The following CREBZF variants were observed in gnomAD, a reference collection of about 807,000 sequenced individuals.
The protein encoded by CREBZF is HCF-binding transcription factor Zhangfei.
CREBZF carries 8 observed loss-of-function variants against 21.1 expected under a neutral mutation model. The ratio of observed to expected loss-of-function variants is 0.38; its 90% CI spans 0.22 to 0.68. The LOEUF (loss-of-function observed/expected upper bound fraction) is 0.68. Among genes scored for constraint, CREBZF ranks in the 30% least tolerant of loss-of-function variants. CREBZF has a pLI of 0.51. For synonymous variants in CREBZF, 270 were observed against 223.3 expected (o/e 1.21, Z -1.86); for missense variants, 518 against 484.3 (o/e 1.07, Z -0.65).
At position 85,658,252 on chromosome 11, in the gene CREBZF, G is replaced by A. The variant is rs931844196; in HGVS notation, c.*5559C>T. Among the ~76,000 whole-genome samples, 5 of 151,934 alleles carry A rather than the reference G, an allele frequency of 3.3e-5. No homozygotes were observed. The highest frequency in any genetic ancestry group is 6.6e-5 in the Admixed American group (1 of 15,252). ...CAATGATATAACTAAGTTCTTTGAC[G>A]ATTGAGCACACATTGTTTCCTTACT... On this transcript the variant is annotated 3_prime_UTR_variant, in exon 1 of 1. Coordinates refer to ENST00000527447, the MANE Select transcript of CREBZF (RefSeq NM_001039618.4).
At chr11:85,676,970 C>CTTTTTTTTTTTTTTTTTTTTTTTTTTT (rs1422368391) in intron 1 of CREBZF, among the ~76,000 whole-genome samples, 1 of 118,638 alleles carries the variant, frequency 8.4e-6, no homozygotes, top group Non-Finnish European at 1.7e-5. Context: ...CTTTTTCTGT[C>CTTTTTTTTTTTTTTTTTTTTTTTTTTT]TTTTTTTTTT....
rs1054277338 is a variant in CREBZF, at chr11:85,663,748, A to C, written c.*63T>G. 2 of 1,587,334 alleles carry C rather than the reference A, an allele frequency of 1.3e-6. No individual in the cohort carries two copies. The highest frequency in any genetic ancestry group is 2.7e-5 in the African/African-American group (2 of 74,360). ...CCGGTGAAGATGTCCCACTAAGGTA[A>C]GTTTGACATGGTGTAAGGGAGTTGA... On this transcript the variant is annotated 3_prime_UTR_variant, in exon 1 of 1. Coordinates refer to ENST00000527447, the MANE Select transcript of CREBZF (RefSeq NM_001039618.4).
At chr11:85,673,869 T>C (rs141911329) in intron 1 of CREBZF, among the ~76,000 whole-genome samples, 25 of 152,320 alleles carry the variant, frequency 1.6e-4, no homozygotes, top group African/African-American at 5.3e-4. Flanking sequence ...AGAAATAGAT[T>C]CCATCCCAAG....
upstream of CREBZF, among the ~76,000 whole-genome samples, chr11:85,668,177 C>T (rs927049585): frequency 2.0e-5 from 3 of 151,980 alleles, no homozygotes; most frequent in African/African-American, 7.3e-5. Context: ...ATGGCAAGTC[C>T]CTCTTTGTTA....
intron 1 of CREBZF, among the ~76,000 whole-genome samples, chr11:85,677,180 G>A (rs2082948461): frequency 6.6e-6 from 1 of 151,970 alleles, no homozygotes; most frequent in Non-Finnish European, 1.5e-5. Context: ...GGCCAGGCTG[G>A]TCTCAAACTC....
At chr11:85,682,606 T>TCCCCC in intron 1 of CREBZF, 11 of 204,626 alleles carry the variant, frequency 5.4e-5, no homozygotes, top group South Asian at 2.3e-4. Flanking sequence ...CCTGCCCTAC[T>TCCCCC]CCCCCCAACG....
intron 1 of CREBZF, among the ~76,000 whole-genome samples, chr11:85,682,175 C>A (rs139463772): frequency 6.6e-6 from 1 of 152,312 alleles, no homozygotes; most frequent in Non-Finnish European, 1.5e-5. Flanking sequence ...TTTGCCTCTC[C>A]AAACCTTCCT....
In CREBZF at chr11:85,663,702, T is replaced by A; in HGVS notation, c.*109A>T. On this transcript the variant is annotated 3_prime_UTR_variant, in exon 1 of 1. Transcript: ENST00000527447. ...CACTTTAAGATTCAATATTACTTTT[T>A]TTCTCTCCTCTGAAATGTGTCCGGT... The A allele has an allele frequency of 6.2e-7, 1 of 1,606,600 alleles. No homozygotes were observed. Among genetic ancestry groups the A allele is most frequent in the Non-Finnish European group, 8.5e-7 (1 of 1,176,402 alleles).
Position 85,664,495 on chromosome 11 carries a change from C to G in CREBZF, c.381G>C (p.Pro127=), listed in dbSNP as rs759260278. 1.2e-6 allele frequency: 2 copies of G among 1,613,676 alleles called. No homozygotes were observed. The highest frequency in any genetic ancestry group is 1.1e-5 in the South Asian group (1 of 91,060). The part of the protein sequence containing the change: ...DWHLDPGLSS[P]GPLSSSGGGS... ...CTCCGCCAGACGAGGAGAGAGGCCC[C>G]GGCGAGCTAAGCCCGGGGTCCAGGT... The change falls in exon 1 of 1, where the codon CCG becomes CCC. Residue 127 remains proline, a synonymous_variant. Coordinates refer to ENST00000527447, the MANE Select transcript of CREBZF (RefSeq NM_001039618.4). The surrounding 1 kb of genome is among the most constrained non-coding windows in gnomAD (Gnocchi z 5.5).
chr11:85,674,213 A>G (rs2082929367), intron 1 of CREBZF, among the ~76,000 whole-genome samples: 1 of 152,240 alleles, frequency 6.6e-6, no homozygotes, highest in Admixed American at 6.5e-5. Context: ...TATTTCTGAA[A>G]CAATAAGATT....
At chr11:85,673,755 T>C (rs2082927014) in intron 1 of CREBZF, among the ~76,000 whole-genome samples, 2 of 152,232 alleles carry the variant, frequency 1.3e-5, no homozygotes, top group African/African-American at 4.8e-5. Context: ...TCTTTCAGAA[T>C]TGGAGTCAAT....
chr11:85,662,513 G>C lies in CREBZF; in HGVS notation c.*1298C>G. On this transcript the variant is annotated 3_prime_UTR_variant, in exon 1 of 1. Transcript: ENST00000527447. ...ATACGTATATACTTTATCAAGCAGTGATGTTTCACAAAGAATTTCTTAATG... is the reference window on the plus strand; with the variant it reads ...ATACGTATATACTTTATCAAGCAGTCATGTTTCACAAAGAATTTCTTAATG... The C allele has an allele frequency of 1.4e-6, 1 of 689,810 alleles. No individual in the cohort carries two copies. The highest frequency in any genetic ancestry group is 2.7e-6 in the Non-Finnish European group (1 of 370,118). 42.7% of individuals were successfully genotyped at this position (689,810 alleles called of 1,614,324 possible).
intron 1 of CREBZF, among the ~76,000 whole-genome samples, chr11:85,678,295 C>G (rs756003956): frequency 6.6e-6 from 1 of 152,114 alleles, no homozygotes; most frequent in Non-Finnish European, 1.5e-5. Context: ...GAAACAGGCC[C>G]TAGGGATGCT....
At position 85,659,181 on chromosome 11, in the gene CREBZF, GA is replaced by G. The variant is rs1303420147; in HGVS notation, c.*4629del. On this transcript the variant is annotated 3_prime_UTR_variant, in exon 1 of 1. Coordinates refer to ENST00000527447, the MANE Select transcript of CREBZF (RefSeq NM_001039618.4). The stretch of plus-strand genomic sequence containing the variant: ...CTTTGTATTGGCTGTGAGTCTGGGG[GA>G]AAAAAACATAAATGTCATACTACCA... Among the ~76,000 whole-genome samples, 3 of 151,814 alleles carry G rather than the reference GA, an allele frequency of 2.0e-5. No homozygotes were observed. Among genetic ancestry groups the G allele is most frequent in the East Asian group, 1.9e-4 (1 of 5,194 alleles).
At chr11:85,673,019 G>A (rs1054163049) in intron 1 of CREBZF, among the ~76,000 whole-genome samples, 1 of 152,214 alleles carries the variant, frequency 6.6e-6, no homozygotes, top group Non-Finnish European at 1.5e-5. Context: ...AAGGGTCCTT[G>A]CCTCATTTGC....
At chr11:85,676,906 A>G (rs2082945953) in intron 1 of CREBZF, among the ~76,000 whole-genome samples, 1 of 150,154 alleles carries the variant, frequency 6.7e-6, no homozygotes, top group South Asian at 2.1e-4. Context: ...GGCCTCCCAA[A>G]GTGCTGGAAT....
chr11:85,670,181 C>A (rs2082902091), intron 1 of CREBZF, among the ~76,000 whole-genome samples: 1 of 151,372 alleles, frequency 6.6e-6, no homozygotes, highest in Non-Finnish European at 1.5e-5. Context: ...TTCTAGCAAG[C>A]ATGTAATACA....
rs1213948227 is a variant in CREBZF at position 85,665,067 on chromosome 11, C to G, written c.-192G>C. 2.3e-6 allele frequency: 1 copy of G among 440,256 alleles called. No homozygotes were observed. The highest frequency in any genetic ancestry group is 2.0e-5 in the African/African-American group (1 of 48,818). 27.3% of individuals were successfully genotyped at this position (440,256 alleles called of 1,614,324 possible). A position where few individuals can be genotyped will look rare whatever the true frequency, so the allele number is the denominator to read the frequency against. The stretch of plus-strand genomic sequence containing the variant: ...CAAGGCGCGGGGAGGGACGGGAGAA[C>G]GAAGCGGTGAGGCCCTGCGATGACT... On this transcript the variant is annotated 5_prime_UTR_variant, in exon 1 of 1. Transcript: ENST00000527447.
At chr11:85,671,329 T>C (rs191956632) in intron 1 of CREBZF, among the ~76,000 whole-genome samples, 39 of 152,316 alleles carry the variant, frequency 2.6e-4, no homozygotes, top group Non-Finnish European at 4.6e-4. Context: ...TTATGGGAGC[T>C]ACAGTTCAAG....
Sources: allele counts gnomAD v4.1 joint callset (sites outside exome capture counted in the v4.1 genomes callset), GRCh38; gene constraint gnomAD v4.1.1; non-coding constraint Gnocchi (gnomAD v3.1); transcripts MANE v1.5; gene names NCBI Gene and HGNC (gene_info 2026-07-23, HGNC 2026-07-21).